The following UNC5C variants were observed in gnomAD, a reference collection of about 807,000 sequenced individuals.
UNC5C encodes unc-5 netrin receptor C.
UNC5C carries 47 observed loss-of-function variants against 99.8 expected under a neutral mutation model. The ratio of observed to expected loss-of-function variants is 0.47; its 90% CI spans 0.37 to 0.60. UNC5C has a LOEUF of 0.60. UNC5C is among the 20% of genes least tolerant of loss of function. UNC5C has a pLI of 0.00. For missense variants in UNC5C, 1,062 were observed against 1,165.9 expected (o/e 0.91, Z 1.30); for synonymous variants, 487 against 452.2 (o/e 1.08, Z -0.98).
intron 1 of UNC5C, among the ~76,000 whole-genome samples, chr4:95,354,479 A>ATATATATATATATATATTTTTTTT: frequency 9.1e-6 from 1 of 110,350 alleles, no homozygotes; most frequent in Non-Finnish European, 1.8e-5. Flanking sequence ...ATATATATAT[A>ATATATATATATATATATTTTTTTT]TTTTTTTTTT....
At chr4:95,232,806 G>A (rs1485100640) in intron 7 of UNC5C, among the ~76,000 whole-genome samples, 1 of 152,128 alleles carries the variant, frequency 6.6e-6, no homozygotes, top group African/African-American at 2.4e-5. Flanking sequence ...TGTTGGGCAG[G>A]CAGGCCATGT....
intron 1 of UNC5C, among the ~76,000 whole-genome samples, chr4:95,490,831 T>C (rs1421819894): frequency 6.6e-6 from 1 of 151,752 alleles, no homozygotes; most frequent in Non-Finnish European, 1.5e-5. Context: ...TTGAACAATT[T>C]ATCAAATAAT....
At chr4:95,376,514 A>G (rs17023657) in intron 1 of UNC5C, among the ~76,000 whole-genome samples, 5,719 of 152,252 alleles carry the variant, frequency 0.038, 178 homozygotes, top group South Asian at 0.071. Flanking sequence ...TTATACCTTT[A>G]GAAGCTCCTA....
intron 1 of UNC5C, among the ~76,000 whole-genome samples, chr4:95,420,691 A>G (rs901918186): frequency 1.3e-5 from 2 of 152,166 alleles, no homozygotes; most frequent in African/African-American, 2.4e-5. Flanking sequence ...AGAAAACATT[A>G]TCTTATCTTT....
chr4:95,490,497 A>G (rs1721453680), intron 1 of UNC5C, among the ~76,000 whole-genome samples: 1 of 151,720 alleles, frequency 6.6e-6, no homozygotes, highest in Non-Finnish European at 1.5e-5. Context: ...GCATGTATAT[A>G]TCTATGAAAT....
In UNC5C at chr4:95,219,100, A is replaced by G. The variant is rs1299589013; in HGVS notation, c.1514T>C (p.Met505Thr). 9 of 1,614,048 alleles carry G rather than the reference A, an allele frequency of 5.6e-6. No individual in the cohort carries two copies. Among genetic ancestry groups the G allele is most frequent in the Admixed American group, 3.3e-5 (2 of 59,996 alleles). ...SEFTSKLSPQMTQSLLENEAL... is the reference protein window; with the variant it reads ...SEFTSKLSPQTTQSLLENEAL... ...TTCATTCTCCAACAACGACTGGGTC[A>G]TCTGAGGGGACAGCTTGGACGTAAA... The change falls in exon 9 of 16, where the codon ATG becomes ACG. Residue 505 changes from methionine (M) to threonine (T), a missense_variant. Met to Thr is a moderately conservative substitution (Grantham distance 81). Around this residue, in one of 3 missense-constraint regions of UNC5C, gnomAD observed 810 missense variants for 854.5 expected, o/e 0.95. Transcript: ENST00000453304.
intron 2 of UNC5C, among the ~76,000 whole-genome samples, chr4:95,330,380 G>A (rs1743064342): frequency 6.6e-6 from 1 of 152,022 alleles, no homozygotes; most frequent in Non-Finnish European, 1.5e-5. Context: ...TCAAGAATAT[G>A]TCTTTCCTTA....
At chr4:95,479,847 G>C (rs1251454989) in intron 1 of UNC5C, among the ~76,000 whole-genome samples, 5 of 151,922 alleles carry the variant, frequency 3.3e-5, no homozygotes, top group African/African-American at 1.2e-4. Context: ...GGATGAGATT[G>C]ACATGGGAAT....
intron 3 of UNC5C, among the ~76,000 whole-genome samples, chr4:95,282,798 G>T (rs1344197692): frequency 6.6e-6 from 1 of 152,130 alleles, no homozygotes; most frequent in Non-Finnish European, 1.5e-5. Context: ...GATCACACAA[G>T]GTAGGTTAGA....
chr4:95,458,172 T>C (rs532941924), intron 1 of UNC5C, among the ~76,000 whole-genome samples: 2 of 152,200 alleles, frequency 1.3e-5, no homozygotes, highest in Non-Finnish European at 2.9e-5. Flanking sequence ...CCAGAATATT[T>C]TTAGGCGTTT....
rs762675647 is a variant in UNC5C, at chr4:95,170,294, C to T, written c.2490G>A (p.Ala830=). ...GCCCCGTGACCGTGGTGATGGTGTTCGCAGGATCCAGCAGCGGCAAATCGA... is the reference window on the plus strand; with the variant it reads ...GCCCCGTGACCGTGGTGATGGTGTTTGCAGGATCCAGCAGCGGCAAATCGA... ...TGIDLPLLDP[A]NTITTVTGPS... The change falls in exon 15 of 16, where the codon GCG becomes GCA. Residue 830 remains alanine, a synonymous_variant. Transcript: ENST00000453304. 5.6e-6 allele frequency: 9 copies of T among 1,614,092 alleles called. No individual in the cohort carries two copies. Among genetic ancestry groups the T allele is most frequent in the South Asian group, 4.4e-5 (4 of 91,068 alleles).
chr4:95,365,166 T>A (rs1392655169), intron 1 of UNC5C, among the ~76,000 whole-genome samples: 1 of 150,380 alleles, frequency 6.6e-6, no homozygotes, highest in Non-Finnish European at 1.5e-5. Flanking sequence ...CATGGTGGCA[T>A]GTCCATGTAG....
intron 3 of UNC5C, among the ~76,000 whole-genome samples, chr4:95,291,704 A>G (rs1741460345): frequency 6.6e-6 from 1 of 152,224 alleles, no homozygotes; most frequent in Non-Finnish European, 1.5e-5. Context: ...ATCTTGAAAT[A>G]GGAATAACCT....
intron 1 of UNC5C, among the ~76,000 whole-genome samples, chr4:95,408,651 A>G (rs1745892987): frequency 6.6e-6 from 1 of 152,196 alleles, no homozygotes; most frequent in Non-Finnish European, 1.5e-5. Flanking sequence ...TTGGCCTTTC[A>G]ATACACTGAA....
At position 95,214,423 on chromosome 4, in the gene UNC5C, C is replaced by T. The variant is rs969684238; in HGVS notation, c.1733+1701G>A. 8.5e-5 allele frequency among the ~76,000 whole-genome samples: 13 copies of T among 152,318 alleles called. No homozygotes were observed. In the South Asian group the frequency reaches 2.1e-3, roughly 24 times the overall value. ...ATAGCAAGGAGTGATTTATAGTTTC[C>T]GTTTCATTATAGTCAAAGGCAGAGA... is the stretch of plus-strand genomic sequence containing the variant. On this transcript the variant is annotated intron_variant, in intron 10 of 15. Coordinates refer to ENST00000453304, the MANE Select transcript of UNC5C (RefSeq NM_003728.4).
intron 1 of UNC5C, among the ~76,000 whole-genome samples, chr4:95,448,960 G>A (rs1206607388): frequency 6.6e-6 from 1 of 151,978 alleles, no homozygotes; most frequent in Non-Finnish European, 1.5e-5. Flanking sequence ...AATGTCATGG[G>A]GCCATTTGAT....
At chr4:95,179,399 A>C (rs1736510375) in intron 14 of UNC5C, among the ~76,000 whole-genome samples, 1 of 152,238 alleles carries the variant, frequency 6.6e-6, no homozygotes, top group Non-Finnish European at 1.5e-5. Flanking sequence ...AAGATCTAGC[A>C]AATATAAAAC....
chr4:95,185,938 T>G (rs1305329275), intron 12 of UNC5C, among the ~76,000 whole-genome samples: 1 of 150,706 alleles, frequency 6.6e-6, no homozygotes, highest in African/African-American at 2.4e-5. Flanking sequence ...TTGTGGCTGA[T>G]GAAAAAATTT....
chr4:95,388,302 C>A (rs1212386161), intron 1 of UNC5C, among the ~76,000 whole-genome samples: 2 of 152,152 alleles, frequency 1.3e-5, no homozygotes, highest in African/African-American at 4.8e-5. Context: ...AAAGTCTGAT[C>A]TATTACTCAT....
Sources: allele counts gnomAD v4.1 joint callset (sites outside exome capture counted in the v4.1 genomes callset), GRCh38; gene constraint gnomAD v4.1.1; regional missense constraint gnomAD v4.1.1; transcripts MANE v1.5; gene names NCBI Gene and HGNC (gene_info 2026-07-23, HGNC 2026-07-21).